PDSS2: variants seen among roughly 807,000 people sequenced by gnomAD.
PDSS2 encodes decaprenyl diphosphate synthase subunit 2.
PDSS2 carries 31 observed loss-of-function variants against 44.5 expected under a neutral mutation model. The observed-to-expected ratio is 0.70, with a 90% confidence interval of 0.52 to 0.94. The LOEUF (loss-of-function observed/expected upper bound fraction) is 0.94, where lower values mean the gene tolerates loss of function less well. Ranked by LOEUF, PDSS2 falls within the 40% of genes least tolerant of loss-of-function variation. The pLI, the probability that PDSS2 is intolerant of heterozygous loss-of-function variation, is 0.00. For missense variants in PDSS2, 452 were observed against 482.2 expected (o/e 0.94, Z 0.59); for synonymous variants, 157 against 180.3 (o/e 0.87, Z 1.03).
chr6:107,276,387 T>C (rs1231633287), intron 2 of PDSS2, among the ~76,000 whole-genome samples: 1 of 152,190 alleles, frequency 6.6e-6, no homozygotes, highest in Non-Finnish European at 1.5e-5. Context: ...TGATTCACTG[T>C]TGCATGTTGG....
chr6:107,330,609 T>C (rs572423366), intron 2 of PDSS2, among the ~76,000 whole-genome samples: 2 of 152,328 alleles, frequency 1.3e-5, no homozygotes, highest in South Asian at 4.1e-4. Flanking sequence ...ATATGCATTA[T>C]ATATTGTAAT....
intron 1 of PDSS2, among the ~76,000 whole-genome samples, chr6:107,403,712 T>C (rs1227071304): frequency 6.6e-6 from 1 of 152,186 alleles, no homozygotes; most frequent in Admixed American, 6.5e-5. Flanking sequence ...CTGAGCTGTA[T>C]CTTGGCCCCT....
chr6:107,288,345 T>C lies in PDSS2; in HGVS notation c.432-14118A>G, dbSNP rs9480762. Among the ~76,000 whole-genome samples the C allele has an allele frequency of 8.9e-3, 1,358 of 152,294 alleles. 15 individuals are homozygous for C. The highest frequency in any genetic ancestry group is 0.029 in the African/African-American group (1,190 of 41,562). On this transcript the variant is annotated intron_variant, in intron 2 of 7. Transcript: ENST00000369037. ...CTGGAATATTTGTCTGTTTTTTCCATTATTCTATCTCCATTGTGTAGTTCA... is the reference window on the plus strand; with the variant it reads ...CTGGAATATTTGTCTGTTTTTTCCACTATTCTATCTCCATTGTGTAGTTCA...
intron 1 of PDSS2, among the ~76,000 whole-genome samples, chr6:107,343,501 T>A (rs1778144482): frequency 6.6e-6 from 1 of 152,156 alleles, no homozygotes; most frequent in East Asian, 1.9e-4. Flanking sequence ...GAAAACATAA[T>A]GTAAAATTAA....
chr6:107,185,492 A>T (rs1447181405), intron 7 of PDSS2, among the ~76,000 whole-genome samples: 1 of 152,242 alleles, frequency 6.6e-6, no homozygotes, highest in Non-Finnish European at 1.5e-5. Context: ...GTCGAACCAT[A>T]GGTGCCATGT....
At chr6:107,222,739 G>C (rs1773651821) in intron 4 of PDSS2, among the ~76,000 whole-genome samples, 1 of 151,620 alleles carries the variant, frequency 6.6e-6, no homozygotes, top group African/African-American at 2.4e-5. Flanking sequence ...AGTCTCAGAA[G>C]TATAGCAATT....
chr6:107,426,103 C>A (rs1583069110), intron 1 of PDSS2, among the ~76,000 whole-genome samples: 1 of 152,174 alleles, frequency 6.6e-6, no homozygotes, highest in Non-Finnish European at 1.5e-5. Context: ...TTTGCAGCAG[C>A]CCCTCCCATC....
chr6:107,243,628 T>C (rs748796184), intron 4 of PDSS2, among the ~76,000 whole-genome samples: 15 of 152,356 alleles, frequency 9.8e-5, no homozygotes, highest in South Asian at 4.1e-4. Flanking sequence ...ATAATTATCA[T>C]AGAGTGGGAT....
intron 6 of PDSS2, among the ~76,000 whole-genome samples, chr6:107,203,018 T>C (rs2114582258): frequency 6.6e-6 from 1 of 152,188 alleles, no homozygotes; most frequent in East Asian, 1.9e-4. Flanking sequence ...GGAAGAAACA[T>C]GAAATTTTAA....
chr6:107,353,811 A>G (rs1479448553), intron 1 of PDSS2, among the ~76,000 whole-genome samples: 2 of 152,188 alleles, frequency 1.3e-5, no homozygotes, highest in Non-Finnish European at 2.9e-5. Flanking sequence ...TGCCTTTTAG[A>G]AAATCACTGG....
chr6:107,190,843 T>C (rs1180478690), intron 7 of PDSS2, among the ~76,000 whole-genome samples: 2 of 152,048 alleles, frequency 1.3e-5, no homozygotes, highest in Non-Finnish European at 2.9e-5. Flanking sequence ...CAGCCCCGTA[T>C]ATGCCAACCC....
intron 2 of PDSS2, among the ~76,000 whole-genome samples, chr6:107,292,098 T>A (rs1776368015): frequency 6.6e-6 from 1 of 152,074 alleles, no homozygotes; most frequent in Admixed American, 6.5e-5. Context: ...TCTCTGCAGC[T>A]GGTCTCAGTT....
intron 1 of PDSS2, among the ~76,000 whole-genome samples, chr6:107,435,531 T>C (rs1162889779): frequency 6.6e-6 from 1 of 152,194 alleles, no homozygotes; most frequent in African/African-American, 2.4e-5. Flanking sequence ...CTAAATGACA[T>C]TCCTTTTAAA....
chr6:107,274,342 T>G (rs1775702160), intron 2 of PDSS2, 115 bp from the exon 3 acceptor site: 1 of 797,554 alleles, frequency 1.3e-6, no homozygotes, highest in Non-Finnish European at 2.1e-6. Flanking sequence ...CTTTTTTTTT[T>G]GGATTATATC....
chr6:107,158,652 G>A (rs1304074373), intron 7 of PDSS2, among the ~76,000 whole-genome samples: 1 of 152,148 alleles, frequency 6.6e-6, no homozygotes, highest in Non-Finnish European at 1.5e-5. Context: ...GCACTAAAAT[G>A]GTGCTGGGTA....
intron 1 of PDSS2, among the ~76,000 whole-genome samples, chr6:107,453,459 A>G (rs1443199590): frequency 6.8e-6 from 1 of 146,362 alleles, no homozygotes; most frequent in Non-Finnish European, 1.5e-5. Context: ...TTAGAGAAAG[A>G]AAAAAAAAAA....
chr6:107,237,823 G>A (rs1193687354), intron 4 of PDSS2, among the ~76,000 whole-genome samples: 1 of 150,630 alleles, frequency 6.6e-6, no homozygotes, highest in Non-Finnish European at 1.5e-5. Context: ...TTGAAGCCGG[G>A]AGGTGGAGGT....
At chr6:107,287,211 CA>C (rs1341782830) in intron 2 of PDSS2, among the ~76,000 whole-genome samples, 1 of 152,162 alleles carries the variant, frequency 6.6e-6, no homozygotes, top group Admixed American at 6.5e-5. Context: ...CACAGACATA[CA>C]ATTTGGCAAA....
At chr6:107,393,818 A>G (rs1209793681) in intron 1 of PDSS2, among the ~76,000 whole-genome samples, 1 of 152,232 alleles carries the variant, frequency 6.6e-6, no homozygotes, top group East Asian at 1.9e-4. Context: ...CTTTTGCACC[A>G]ACATAATACA....
Sources: gnomAD v4.1 joint callset for allele counts (sites outside exome capture counted in the v4.1 genomes callset) on GRCh38, gnomAD v4.1.1 for gene constraint, MANE v1.5 for transcripts, NCBI Gene and HGNC (gene_info 2026-07-23, HGNC 2026-07-21) for gene names.